The following MGAT4C variants were observed in gnomAD, a reference collection of about 807,000 sequenced individuals.
The protein encoded by MGAT4C is alpha-1,3-mannosyl-glycoprotein 4-beta-N-acetylglucosaminyltransferase C.
A neutral mutation model predicts 40.1 loss-of-function variants in MGAT4C; 19 were observed. That is an observed-to-expected ratio of 0.47 (90% CI 0.33 to 0.70). The LOEUF (loss-of-function observed/expected upper bound fraction) is 0.70. Among genes scored for constraint, MGAT4C ranks in the 30% least tolerant of loss-of-function variants. The pLI, the probability that MGAT4C is intolerant of heterozygous loss-of-function variation, is 0.02. For missense variants in MGAT4C, 491 were observed against 563.2 expected (o/e 0.87, Z 1.30); for synonymous variants, 181 against 187.1 (o/e 0.97, Z 0.27).
intron 4 of MGAT4C, among the ~76,000 whole-genome samples, chr12:86,328,055 T>C (rs557676299): frequency 6.6e-6 from 1 of 152,312 alleles, no homozygotes; most frequent in East Asian, 1.9e-4. Flanking sequence ...TGTCATTTTA[T>C]TGGAGCTCAA....
chr12:86,244,017 G>A (rs1951910826), intron 1 of MGAT4C, among the ~76,000 whole-genome samples: 1 of 152,120 alleles, frequency 6.6e-6, no homozygotes, highest in East Asian at 1.9e-4. Context: ...TGCTGCTGCT[G>A]GTGGTGTTTG....
At chr12:86,345,363 G>C (rs905055772) in intron 3 of MGAT4C, among the ~76,000 whole-genome samples, 31 of 151,934 alleles carry the variant, frequency 2.0e-4, no homozygotes, top group Non-Finnish European at 3.8e-4. Flanking sequence ...CCATGTTGGT[G>C]TGCTGTACCC....
intron 1 of MGAT4C, among the ~76,000 whole-genome samples, chr12:86,831,128 A>G (rs1043741498): frequency 6.6e-6 from 1 of 151,640 alleles, no homozygotes; most frequent in Non-Finnish European, 1.5e-5. Context: ...ACCTTTTTTC[A>G]ATAATTTGCC....
chr12:86,431,335 A>G (rs1466991595), intron 3 of MGAT4C, among the ~76,000 whole-genome samples: 1 of 152,112 alleles, frequency 6.6e-6, no homozygotes, highest in East Asian at 1.9e-4. Flanking sequence ...CATTTTGCCT[A>G]GAGTTCCCTG....
At chr12:86,766,124 T>C (rs531094250) in intron 1 of MGAT4C, among the ~76,000 whole-genome samples, 2 of 152,030 alleles carry the variant, frequency 1.3e-5, no homozygotes, top group South Asian at 4.2e-4. Flanking sequence ...AGGAAACCCA[T>C]CTCACGTGCA....
chr12:86,091,257 T>C (rs1872829046), intron 1 of MGAT4C, among the ~76,000 whole-genome samples: 1 of 151,976 alleles, frequency 6.6e-6, no homozygotes, highest in African/African-American at 2.4e-5. Context: ...TTCCTAAGAT[T>C]TGAGTAAATG....
intron 1 of MGAT4C, among the ~76,000 whole-genome samples, chr12:86,165,542 A>G (rs1453786941): frequency 1.3e-5 from 2 of 152,160 alleles, no homozygotes; most frequent in African/African-American, 4.8e-5. Flanking sequence ...AAGCTTCACA[A>G]TATATTCAAG....
chr12:86,810,810 G>T (rs1952457153), intron 1 of MGAT4C, among the ~76,000 whole-genome samples: 1 of 151,986 alleles, frequency 6.6e-6, no homozygotes, highest in East Asian at 1.9e-4. Flanking sequence ...CTTTGATTTT[G>T]TACTATCTTT....
chr12:86,601,187 A>C (rs1401587649), intron 2 of MGAT4C: 2 of 152,404 alleles, frequency 1.3e-5, no homozygotes, highest in South Asian at 4.1e-4. Flanking sequence ...TGTTGATGGC[A>C]GCGGGAGCAG....
At chr12:86,475,520 A>G (rs923667173) in intron 2 of MGAT4C, among the ~76,000 whole-genome samples, 1 of 152,020 alleles carries the variant, frequency 6.6e-6, no homozygotes, top group African/African-American at 2.4e-5. Flanking sequence ...GTTAGTCATC[A>G]ATTTGAAAAG....
intron 2 of MGAT4C, among the ~76,000 whole-genome samples, chr12:86,654,920 AAAAT>A (rs1369253163): frequency 6.6e-6 from 1 of 152,084 alleles, no homozygotes; most frequent in African/African-American, 2.4e-5. Context: ...TTGATATATG[AAAAT>A]AAATAAATTA....
At chr12:86,354,482 A>G (rs1592732284) in intron 3 of MGAT4C, among the ~76,000 whole-genome samples, 1 of 152,314 alleles carries the variant, frequency 6.6e-6, no homozygotes, top group East Asian at 1.9e-4. Context: ...ATGCGTCTCG[A>G]TGAAGGCAAA....
At chr12:86,093,608 G>C (rs1385778205) in intron 1 of MGAT4C, among the ~76,000 whole-genome samples, 1 of 151,916 alleles carries the variant, frequency 6.6e-6, no homozygotes, top group East Asian at 1.9e-4. Context: ...CTCGCCTGTA[G>C]TCCCAGCTAC....
chr12:86,465,121 C>A (rs1957661147), intron 2 of MGAT4C, among the ~76,000 whole-genome samples: 1 of 151,880 alleles, frequency 6.6e-6, no homozygotes, highest in Non-Finnish European at 1.5e-5. Flanking sequence ...TACTCTCTCT[C>A]CACTGAAAAA....
intron 1 of MGAT4C, among the ~76,000 whole-genome samples, chr12:86,783,865 T>C (rs1458725849): frequency 6.6e-6 from 1 of 152,162 alleles, no homozygotes; most frequent in Non-Finnish European, 1.5e-5. Flanking sequence ...ACTATTTCTT[T>C]TGGGCATCAA....
chr12:86,714,175 G>A (rs977715653), intron 2 of MGAT4C, among the ~76,000 whole-genome samples: 8 of 151,114 alleles, frequency 5.3e-5, no homozygotes, highest in African/African-American at 1.7e-4. Flanking sequence ...AATAAAGACA[G>A]AGAGAAAATA....
At chr12:86,657,401 G>A (rs1032763616) in intron 2 of MGAT4C, among the ~76,000 whole-genome samples, 1 of 151,726 alleles carries the variant, frequency 6.6e-6, no homozygotes. Context: ...AAGTAAAGAA[G>A]GGAATGAAAG....
At chr12:86,580,509 A>G (rs1221572600) in intron 2 of MGAT4C, among the ~76,000 whole-genome samples, 2 of 151,482 alleles carry the variant, frequency 1.3e-5, no homozygotes, top group Non-Finnish European at 3.0e-5. Context: ...TCCATAATAA[A>G]TTTGACAGAA....
At chr12:86,541,622 C>G (rs139395209) in intron 2 of MGAT4C, among the ~76,000 whole-genome samples, 1 of 152,244 alleles carries the variant, frequency 6.6e-6, no homozygotes, top group East Asian at 1.9e-4. Context: ...ATGAAAAACT[C>G]AACCAAGTTA....
Sources: allele counts gnomAD v4.1 joint callset (sites outside exome capture counted in the v4.1 genomes callset), GRCh38; gene constraint gnomAD v4.1.1; transcripts MANE v1.5; gene names NCBI Gene and HGNC (gene_info 2026-07-23, HGNC 2026-07-21).